The following RFPL1 variants were observed in gnomAD, a reference collection of about 807,000 sequenced individuals.
RFPL1 encodes the protein ret finger protein like 1.
In RFPL1, 6 loss-of-function variants were observed where a neutral mutation model predicts 9.6. The observed-to-expected ratio is 0.62, with a 90% CI of 0.34 to 1.23. The LOEUF is 1.23. RFPL1 is among the 50% of genes most tolerant of loss of function. The probability of loss-of-function intolerance (pLI) is 0.03; values close to 1 mark genes in which losing one functional copy is unlikely to be tolerated. For missense variants in RFPL1, 352 were observed against 398.4 expected (o/e 0.88, Z 0.99); for synonymous variants, 145 against 149.4 (o/e 0.97, Z 0.22).
chr22:29,413,365 T>G, the RFPL1 span, among the ~76,000 whole-genome samples: 1 of 152,150 alleles, frequency 6.6e-6, no homozygotes, highest in Non-Finnish European at 1.5e-5. Context: ...GGGTGGTACA[T>G]GTGCTAAAAG....
chr22:29,416,712 A>G, the RFPL1 span, among the ~76,000 whole-genome samples: 2 of 152,284 alleles, frequency 1.3e-5, no homozygotes, highest in African/African-American at 4.8e-5. Context: ...TGGAGCACAC[A>G]CCATACACCA....
At chr22:29,440,689 CAGTCTACCG>C (rs951238022) in intron 1 of RFPL1, 6 of 152,176 alleles carry the variant, frequency 3.9e-5, no homozygotes, top group Non-Finnish European at 7.3e-5. Flanking sequence ...TCTCCTGCCT[CAGTCTACCG>C]AGTAGCTAGG....
chr22:29,394,636 C>T, the RFPL1 span, among the ~76,000 whole-genome samples: 25 of 152,372 alleles, frequency 1.6e-4, no homozygotes, highest in South Asian at 1.0e-3. Flanking sequence ...GCCACTGCAC[C>T]GGGCCTGGCC....
rs1311526382 is a variant in RFPL1, at chr22:29,438,935, GA to G, written c.147del (p.Lys49AsnfsTer48). ...GTCCCGTCTGCTCAGACTATCTAGA[GA>G]AACCAATGTCCCTGGAGTGTGGATG... On this transcript the variant is annotated frameshift_variant, in exon 1 of 2. Transcript: ENST00000354373. LOFTEE classifies it high-confidence loss of function. The G allele has an allele frequency of 1.2e-6, 2 of 1,613,846 alleles. No individual in the cohort carries two copies. Among genetic ancestry groups the G allele is most frequent in the African/African-American group, 2.7e-5 (2 of 74,908 alleles).
chr22:29,390,554 G>A, the RFPL1 span, among the ~76,000 whole-genome samples: 3 of 149,760 alleles, frequency 2.0e-5, no homozygotes, highest in Non-Finnish European at 4.4e-5. Context: ...GTAAAATACC[G>A]TTATCTAAAT....
At chr22:29,426,122 A>G in the RFPL1 span, among the ~76,000 whole-genome samples, 1 of 151,760 alleles carries the variant, frequency 6.6e-6, no homozygotes, top group African/African-American at 2.4e-5. Context: ...CAGGAGTTTG[A>G]GAGCAGCCTG....
At chr22:29,388,647 C>T in the RFPL1 span, 1 of 152,322 alleles carries the variant, frequency 6.6e-6, no homozygotes, top group African/African-American at 2.4e-5. Flanking sequence ...GGGGTGGTGC[C>T]CGTGGGGCGG....
chr22:29,414,891 C>A, the RFPL1 span, among the ~76,000 whole-genome samples: 213 of 150,388 alleles, frequency 1.4e-3, 1 homozygote, highest in East Asian at 0.01. Context: ...TAAAAGTTAT[C>A]TTTCTACTTT....
exon 1 of RFPL1, chr22:29,438,777 A>C: frequency 6.2e-7 from 1 of 1,608,726 alleles, no homozygotes; most frequent in Non-Finnish European, 8.5e-7. Flanking sequence ...AAGCTGGGAC[A>C]CAATACCTTT....
At chr22:29,392,367 A>T in the RFPL1 span, among the ~76,000 whole-genome samples, 1 of 121,448 alleles carries the variant, frequency 8.2e-6, no homozygotes, top group African/African-American at 3.2e-5. Context: ...GGCATGAGCT[A>T]CCACACCTGG....
At chr22:29,401,727 C>T in the RFPL1 span, among the ~76,000 whole-genome samples, 217 of 152,322 alleles carry the variant, frequency 1.4e-3, no homozygotes, top group African/African-American at 5.0e-3. Context: ...CTCTCCACTG[C>T]GCAGAGTGAC....
At chr22:29,439,162 A>T in exon 1 of RFPL1, 1 of 1,613,722 alleles carries the variant, frequency 6.2e-7, no homozygotes, top group Non-Finnish European at 8.5e-7. Flanking sequence ...CGGAAGTTCC[A>T]AGGTGAGGGA....
At chr22:29,399,877 G>A in the RFPL1 span, among the ~76,000 whole-genome samples, 2 of 151,734 alleles carry the variant, frequency 1.3e-5, no homozygotes, top group Admixed American at 6.6e-5. Context: ...TTCAACTTTT[G>A]TGATGCACCT....
upstream of RFPL1, chr22:29,438,528 G>GC (rs1331710900): frequency 3.3e-6 from 4 of 1,206,814 alleles, no homozygotes; most frequent in African/African-American, 6.1e-5. Flanking sequence ...TCTTGCTGGG[G>GC]TTCCCCTAGG....
chr22:29,402,036 C>T, the RFPL1 span, among the ~76,000 whole-genome samples: 4 of 152,196 alleles, frequency 2.6e-5, no homozygotes, highest in African/African-American at 9.7e-5. Context: ...CATCAAAAAA[C>T]TGTTATTCTT....
the RFPL1 span, among the ~76,000 whole-genome samples, chr22:29,411,295 C>T: frequency 6.6e-6 from 1 of 152,074 alleles, no homozygotes; most frequent in South Asian, 2.1e-4. Context: ...AATGAAGGCT[C>T]AGAAAGGTTA....
chr22:29,418,903 C>T, the RFPL1 span, among the ~76,000 whole-genome samples: 1 of 152,342 alleles, frequency 6.6e-6, no homozygotes, highest in African/African-American at 2.4e-5. Flanking sequence ...ATGCCACACC[C>T]ACTCCATCAC....
chr22:29,434,702 T>G (rs1367162088), upstream of RFPL1: 1 of 153,848 alleles, frequency 6.5e-6, no homozygotes, highest in African/African-American at 2.4e-5. Flanking sequence ...ACTTGGCTTC[T>G]GGACTGTGGG....
At chr22:29,427,448 GC>G in the RFPL1 span, among the ~76,000 whole-genome samples, 2 of 152,152 alleles carry the variant, frequency 1.3e-5, no homozygotes, top group Non-Finnish European at 2.9e-5. Flanking sequence ...GTGTCACCTG[GC>G]CCCGATTCCT....
Sources: gnomAD v4.1 joint callset for allele counts (sites outside exome capture counted in the v4.1 genomes callset) on GRCh38, gnomAD v4.1.1 for gene constraint, MANE v1.5 for transcripts, NCBI Gene and HGNC (gene_info 2026-07-23, HGNC 2026-07-21) for gene names.